The following PPP1R12C variants were observed in gnomAD, a reference collection of about 807,000 sequenced individuals.
PPP1R12C encodes protein phosphatase 1 regulatory subunit 12C.
Under a neutral mutation model 95.6 loss-of-function variants are expected in PPP1R12C, and 48 were observed. The ratio of observed to expected loss-of-function variants is 0.50; its 90% CI spans 0.40 to 0.64. The LOEUF (loss-of-function observed/expected upper bound fraction) is 0.64, where lower values mean the gene tolerates loss of function less well. Among genes scored for constraint, PPP1R12C ranks in the 30% least tolerant of loss-of-function variants. The pLI, the probability that PPP1R12C is intolerant of heterozygous loss-of-function variation, is 0.00. For synonymous variants in PPP1R12C, 480 were observed against 460.8 expected (o/e 1.04, Z -0.53); for missense variants, 1,057 against 1,083.3 (o/e 0.98, Z 0.34).
intron 1 of PPP1R12C, chr19:55,113,261 C>A: frequency 1.5e-6 from 1 of 670,218 alleles, no homozygotes; most frequent in Non-Finnish European, 2.3e-6. Flanking sequence ...GCTCGGAAAC[C>A]ACCCCAGCAG....
intron 3 of PPP1R12C, among the ~76,000 whole-genome samples, chr19:55,104,237 ATATT>A (rs1014790387): frequency 2.1e-5 from 3 of 145,832 alleles, no homozygotes; most frequent in Non-Finnish European, 4.5e-5. Flanking sequence ...AATATAAAAA[ATATT>A]TATATATATA....
intron 1 of PPP1R12C, chr19:55,113,692 G>A (rs1443406862): frequency 2.8e-5 from 27 of 981,346 alleles, no homozygotes; most frequent in Non-Finnish European, 3.6e-5. Flanking sequence ...CCCATCTGGA[G>A]GAGGCGGGAG....
chr19:55,105,486 T>C (rs1327839573), intron 3 of PPP1R12C, among the ~76,000 whole-genome samples: 1 of 152,192 alleles, frequency 6.6e-6, no homozygotes, highest in Non-Finnish European at 1.5e-5. Context: ...TTCTTTATCT[T>C]TTGTTGTGGT....
intron 4 of PPP1R12C, among the ~76,000 whole-genome samples, chr19:55,100,417 G>A (rs771277086): frequency 6.6e-6 from 1 of 152,262 alleles, no homozygotes; most frequent in Non-Finnish European, 1.5e-5. Flanking sequence ...CCCGCAGCAA[G>A]AGCGATCAGC....
chr19:55,096,972 G>GCGCAGTT (rs2084922685), intron 6 of PPP1R12C: 1 of 86,512 alleles, frequency 1.2e-5, no homozygotes, highest in Non-Finnish European at 2.2e-5. Flanking sequence ...CCCCTTCCCC[G>GCGCAGTT]CGCAGTTCAC....
In PPP1R12C at chr19:55,104,179, A is replaced by AAT. The variant is rs34744793; in HGVS notation, c.572-612_572-611insAT. On this transcript the variant is annotated intron_variant, in intron 3 of 21. Transcript: ENST00000263433. Reference sequence around the variant, plus strand: ...CTCTGTCTAAAAAAAAAAAAAAAAAAGTATATATATATATATATATACACA... The same window carrying AAT: ...CTCTGTCTAAAAAAAAAAAAAAAAAAATGTATATATATATATATATATACACA... Among the ~76,000 whole-genome samples the AAT allele has an allele frequency of 1.0e-3, 107 of 104,334 alleles. 3 individuals carry two copies. The highest frequency in any genetic ancestry group is 3.9e-3 in the East Asian group (13 of 3,356). 68.4% of individuals were successfully genotyped at this position (104,334 alleles called of 152,430 possible).
In PPP1R12C at chr19:55,096,054, T is replaced by C. The variant is rs761199182; in HGVS notation, c.1150A>G (p.Thr384Ala). 1.2e-6 allele frequency: 2 copies of C among 1,609,550 alleles called. No homozygotes were observed. Among genetic ancestry groups the C allele is most frequent in the Non-Finnish European group, 1.7e-6 (2 of 1,179,158 alleles). Residue 384 changes from threonine (T) to alanine (A), a missense_variant, in exon 8 of 22, where the codon ACC becomes GCC. Physicochemically the swap from Thr to Ala is moderately conservative, Grantham distance 58. Coordinates refer to ENST00000263433, the MANE Select transcript of PPP1R12C (RefSeq NM_017607.4). ...AGTCCAGATTCAGGCCCCTCACCGG[T>C]GGGACCTTCTTCCCCCTCATCCTCG... ...QDEDEGEEGP[T>A]EPPPAEPRTL... is the part of the protein sequence containing the mutation.
chr19:55,102,543 C>T (rs1343919168), intron 4 of PPP1R12C, among the ~76,000 whole-genome samples: 3 of 152,048 alleles, frequency 2.0e-5, no homozygotes, highest in African/African-American at 7.3e-5. Flanking sequence ...ATATATGCAC[C>T]AAATAATCTA....
intron 11 of PPP1R12C, chr19:55,095,076 G>C (rs1029942928): frequency 5.8e-6 from 4 of 693,858 alleles, no homozygotes; most frequent in Non-Finnish European, 9.8e-6. Context: ...TGGTCAGTGT[G>C]CACCTCGGGG....
Position 55,103,567 on chromosome 19 carries a change from A to G in PPP1R12C, c.573T>C (p.Gly191=). The change falls in exon 4 of 22, where the codon GGT becomes GGC. Residue 191 remains glycine, a splice_region_variant and synonymous_variant. Coordinates refer to ENST00000263433, the MANE Select transcript of PPP1R12C (RefSeq NM_017607.4). ...GLLKAEIARR[G]VDVEAAKRAE... is the part of the protein sequence containing the mutation. ...CCCGCTTGGCTGCTTCCACATCCAC[A>G]CCTAGGAGGATAAGAGGCACGAGGT... The G allele has an allele frequency of 1.9e-6, 3 of 1,568,496 alleles. No individual in the cohort carries two copies. Among genetic ancestry groups the G allele is most frequent in the Non-Finnish European group, 2.6e-6 (3 of 1,148,516 alleles).
intron 3 of PPP1R12C, among the ~76,000 whole-genome samples, chr19:55,110,214 G>A (rs999298860): frequency 4.6e-5 from 7 of 152,180 alleles, no homozygotes; most frequent in Admixed American, 2.0e-4. Context: ...CCCTAGCTGG[G>A]CCCTGAACCA....
chr19:55,096,447 C>T (rs1347879124), intron 6 of PPP1R12C, 112 bp from the exon 7 acceptor site: 3 of 1,278,836 alleles, frequency 2.3e-6, no homozygotes, highest in Admixed American at 1.8e-5. Context: ...ACCGAGGGCT[C>T]GTGGGCTTAC....
intron 9 of PPP1R12C, 36 bp downstream of exon 9, chr19:55,095,831 C>T (rs1420244461): frequency 6.2e-7 from 1 of 1,606,094 alleles, no homozygotes; most frequent in African/African-American, 1.3e-5. Context: ...TCCGGGCCCT[C>T]CCAGCCTCAC....
chr19:55,116,410 G>A (rs909367573), intron 1 of PPP1R12C, among the ~76,000 whole-genome samples: 21 of 152,136 alleles, frequency 1.4e-4, no homozygotes, highest in Non-Finnish European at 2.6e-4. Context: ...TCCTTGGGCA[G>A]CAACACAGCA....
In PPP1R12C at chr19:55,091,234, G is replaced by T. The variant is rs570991987; in HGVS notation, c.*238C>A. 1.7e-4 allele frequency: 99 copies of T among 572,788 alleles called. 1 individual carries two copies. In the South Asian group the frequency reaches 1.8e-3, roughly 10 times the overall value. 35.5% of individuals were successfully genotyped at this position (572,788 alleles called of 1,614,324 possible). A position where few individuals can be genotyped will look rare whatever the true frequency, so the allele number is the denominator to read the frequency against. The stretch of plus-strand genomic sequence containing the variant: ...CAGTTCCTTCCTGGTCCCGTCTCTG[G>T]CCCTGGTCCCCTCTGGCAACGTCCC... On this transcript the variant is annotated 3_prime_UTR_variant, in exon 22 of 22. Transcript: ENST00000263433.
intron 6 of PPP1R12C, chr19:55,096,935 C>A: frequency 5.3e-6 from 1 of 187,740 alleles, no homozygotes; most frequent in Non-Finnish European, 1.1e-5. Context: ...GTCTTCGCCC[C>A]TTCCCTGCAG....
Position 55,096,111 on chromosome 19 carries a change from G to C in PPP1R12C, c.1093C>G (p.Pro365Ala), listed in dbSNP as rs780033063. Residue 365 changes from proline to alanine, a missense_variant, in exon 8 of 22, where the codon CCT becomes GCT. Coordinates refer to ENST00000263433, the MANE Select transcript of PPP1R12C (RefSeq NM_017607.4). The stretch of plus-strand genomic sequence containing the variant: ...ATGGGGGGCCCCCCAGCCCCACCAG[G>C]CCGGCGCTCCTTGGACAAGTCCTGG... ...SLQDLSKERR[P>A]GGAGGPPIQD... is the part of the protein sequence containing the mutation. The C allele has an allele frequency of 6.3e-7, 1 of 1,599,392 alleles. No homozygotes were observed. The highest frequency in any genetic ancestry group is 8.5e-7 in the Non-Finnish European group (1 of 1,174,446).
intron 4 of PPP1R12C, among the ~76,000 whole-genome samples, chr19:55,101,655 C>T (rs951172051): frequency 1.4e-4 from 22 of 152,328 alleles, no homozygotes; most frequent in African/African-American, 5.3e-4. Flanking sequence ...GGGGTGGAAG[C>T]CGTGGGAGGA....
chr19:55,111,367 A>C (rs1568819673), intron 3 of PPP1R12C: 1 of 152,220 alleles, frequency 6.6e-6, no homozygotes, highest in Non-Finnish European at 1.5e-5. Flanking sequence ...AGCACTGGCG[A>C]ATCTTAGTGA....
Sources: gnomAD v4.1 joint callset for allele counts (sites outside exome capture counted in the v4.1 genomes callset) on GRCh38, gnomAD v4.1.1 for gene constraint, MANE v1.5 for transcripts, NCBI Gene and HGNC (gene_info 2026-07-23, HGNC 2026-07-21) for gene names.